The following TMC1 variants were observed in gnomAD, a reference collection of about 807,000 sequenced individuals.
The protein encoded by TMC1 is transmembrane channel-like protein 1.
In TMC1, 84 loss-of-function variants were observed where a neutral mutation model predicts 105.8. The observed-to-expected ratio is 0.79, with a 90% confidence interval of 0.67 to 0.95. The LOEUF (loss-of-function observed/expected upper bound fraction) is 0.95, where lower values mean the gene tolerates loss of function less well. Ranked by LOEUF, TMC1 falls within the 40% of genes least tolerant of loss-of-function variation. TMC1 has a pLI of 0.00. For missense variants in TMC1, 817 were observed against 914.1 expected (o/e 0.89, Z 1.37); for synonymous variants, 315 against 311.5 (o/e 1.01, Z -0.12).
At position 72,593,691 on chromosome 9, in the gene TMC1, C is replaced by G. The variant is rs12350486; in HGVS notation, c.-306+15668C>G. Among the ~76,000 whole-genome samples the G allele has an allele frequency of 2.2e-3, 328 of 151,272 alleles. 4 individuals carry two copies. Among genetic ancestry groups the G allele is most frequent in the African/African-American group, 7.7e-3 (316 of 41,176 alleles). On this transcript the variant is annotated intron_variant, in intron 2 of 23. Transcript: ENST00000297784. ...ACAGGCATGAGCCCCCGTGCCCAGCCCCAAGACCCCCATTTCTATTTTAAA... is the reference window on the plus strand; with the variant it reads ...ACAGGCATGAGCCCCCGTGCCCAGCGCCAAGACCCCCATTTCTATTTTAAA...
At chr9:72,791,530 T>C (rs1215197120) in intron 15 of TMC1, among the ~76,000 whole-genome samples, 1 of 152,198 alleles carries the variant, frequency 6.6e-6, no homozygotes, top group East Asian at 1.9e-4. Flanking sequence ...TTATTTTCCA[T>C]TTCTTTTGGA....
At chr9:72,747,580 T>C (rs948874155) in intron 10 of TMC1, among the ~76,000 whole-genome samples, 1 of 151,950 alleles carries the variant, frequency 6.6e-6, no homozygotes, top group Non-Finnish European at 1.5e-5. Flanking sequence ...GTTTTTTGGT[T>C]GTTGTTGTTG....
intron 3 of TMC1, among the ~76,000 whole-genome samples, chr9:72,616,992 A>G (rs1825142383): frequency 1.3e-5 from 2 of 152,194 alleles, no homozygotes; most frequent in Non-Finnish European, 2.9e-5. Context: ...AAGGACTATA[A>G]TCATAAGGCA....
At chr9:72,577,857 A>G (rs1188014814) in intron 1 of TMC1, 45 bp from the exon 2 acceptor site, 1 of 152,026 alleles carries the variant, frequency 6.6e-6, no homozygotes, top group African/African-American at 2.4e-5. Context: ...TTAGAAATTA[A>G]TTAGTTTATT....
At chr9:72,581,550 T>C (rs1824475626) in intron 2 of TMC1, among the ~76,000 whole-genome samples, 1 of 152,210 alleles carries the variant, frequency 6.6e-6, no homozygotes, top group South Asian at 2.1e-4. Context: ...CCAGTTTTAT[T>C]ACTAAAAGAA....
At chr9:72,570,907 T>C (rs1338688008) in intron 1 of TMC1, among the ~76,000 whole-genome samples, 4 of 147,134 alleles carry the variant, frequency 2.7e-5, no homozygotes, top group Non-Finnish European at 4.5e-5. Context: ...CAGGCTGGTC[T>C]CGAACTCCTG....
chr9:72,591,952 ACCTGGAGG>A (rs772380198), intron 2 of TMC1, among the ~76,000 whole-genome samples: 1 of 152,180 alleles, frequency 6.6e-6, no homozygotes, highest in Non-Finnish European at 1.5e-5. Context: ...CTGACAAATT[ACCTGGAGG>A]CGCTAGTTGC....
At chr9:72,614,126 A>T (rs1418305925) in intron 2 of TMC1, among the ~76,000 whole-genome samples, 1 of 152,144 alleles carries the variant, frequency 6.6e-6, no homozygotes, top group East Asian at 1.9e-4. Flanking sequence ...ATTTCCTTTG[A>T]CTAATGTCCT....
intron 2 of TMC1, among the ~76,000 whole-genome samples, chr9:72,579,846 A>G (rs1587971570): frequency 6.6e-6 from 1 of 152,120 alleles, no homozygotes; most frequent in South Asian, 2.1e-4. Context: ...ACATGGCATA[A>G]CCCTGTCTCT....
chr9:72,828,875 A>G (rs1224091352), intron 21 of TMC1, among the ~76,000 whole-genome samples: 1 of 152,240 alleles, frequency 6.6e-6, no homozygotes, highest in Non-Finnish European at 1.5e-5. Context: ...GAGGCAAATT[A>G]GGCCAAGAGG....
intron 2 of TMC1, among the ~76,000 whole-genome samples, chr9:72,602,491 C>T (rs550782135): frequency 2.8e-4 from 42 of 151,242 alleles, no homozygotes; most frequent in African/African-American, 9.7e-4. Context: ...TCTCCTGCCT[C>T]AGCCTCCTGA....
chr9:72,827,422 A>G (rs1482109044), intron 21 of TMC1, among the ~76,000 whole-genome samples: 1 of 152,158 alleles, frequency 6.6e-6, no homozygotes, highest in African/African-American at 2.4e-5. Context: ...TGGGGGCCCT[A>G]TAGACTATAT....
chr9:72,786,643 A>G (rs1588082752), intron 13 of TMC1, among the ~76,000 whole-genome samples: 1 of 152,202 alleles, frequency 6.6e-6, no homozygotes, highest in African/African-American at 2.4e-5. Context: ...ATTTTGCTCT[A>G]TAGACAAAGA....
intron 4 of TMC1, among the ~76,000 whole-genome samples, chr9:72,632,514 A>G (rs1019013315): frequency 3.5e-4 from 54 of 152,300 alleles, no homozygotes; most frequent in African/African-American, 1.3e-3. Flanking sequence ...GAGGGGCTGG[A>G]AAAAGAAAGG....
At chr9:72,672,707 A>G (rs899407861) in intron 5 of TMC1, among the ~76,000 whole-genome samples, 1 of 152,004 alleles carries the variant, frequency 6.6e-6, no homozygotes, top group Non-Finnish European at 1.5e-5. Flanking sequence ...AAACCTCCAA[A>G]ATATTATCAA....
At chr9:72,570,575 A>G (rs1824260120) in intron 1 of TMC1, among the ~76,000 whole-genome samples, 1 of 151,612 alleles carries the variant, frequency 6.6e-6, no homozygotes, top group Admixed American at 6.6e-5. Flanking sequence ...TATATTTTAA[A>G]TTTGAAATAC....
chr9:72,788,636 A>T (rs1472992166), intron 14 of TMC1, among the ~76,000 whole-genome samples, 153 bp downstream of exon 14: 1 of 152,206 alleles, frequency 6.6e-6, no homozygotes, highest in African/African-American at 2.4e-5. Context: ...GGTTCTGATT[A>T]TAACTGGAAA....
At chr9:72,586,303 G>A (rs1824553358) in intron 2 of TMC1, among the ~76,000 whole-genome samples, 1 of 152,150 alleles carries the variant, frequency 6.6e-6, no homozygotes, top group African/African-American at 2.4e-5. Flanking sequence ...GTTGTAGCTT[G>A]CATTTCTTTT....
intron 17 of TMC1, among the ~76,000 whole-genome samples, chr9:72,795,085 A>G (rs1270407180): frequency 6.6e-6 from 1 of 152,224 alleles, no homozygotes; most frequent in Non-Finnish European, 1.5e-5. Flanking sequence ...TAAAGGAAAA[A>G]GAATAAAACG....
Sources: allele counts gnomAD v4.1 joint callset (sites outside exome capture counted in the v4.1 genomes callset), GRCh38; gene constraint gnomAD v4.1.1; transcripts MANE v1.5; gene names NCBI Gene and HGNC (gene_info 2026-07-23, HGNC 2026-07-21).